The following WDTC1 variants were observed in gnomAD, a reference collection of about 807,000 sequenced individuals.
WDTC1 encodes WD and tetratricopeptide repeats protein 1.
Under a neutral mutation model 76.0 loss-of-function variants are expected in WDTC1, and 12 were observed. The observed-to-expected ratio is 0.16, with a 90% CI of 0.10 to 0.26. The LOEUF is 0.26. Ranked by LOEUF, WDTC1 falls within the 10% of genes least tolerant of loss-of-function variation. The pLI, the probability that WDTC1 is intolerant of heterozygous loss-of-function variation, is 1.00. For missense variants in WDTC1, 511 were observed against 908.8 expected (o/e 0.56, Z 5.63); for synonymous variants, 326 against 350.8 (o/e 0.93, Z 0.79).
chr1:27,296,767 G>GCCCCAGCCCCAGCCCCAA (rs2013698402), intron 10 of WDTC1, among the ~76,000 whole-genome samples: 1 of 13,890 alleles, frequency 7.2e-5, no homozygotes, highest in African/African-American at 2.4e-4. Context: ...CCCAGCCCCA[G>GCCCCAGCCCCAGCCCCAA]CCCTAGCCCC....
intron 12 of WDTC1, among the ~76,000 whole-genome samples, chr1:27,298,629 G>A (rs368831749): frequency 6.6e-6 from 1 of 152,188 alleles, no homozygotes; most frequent in Non-Finnish European, 1.5e-5. Flanking sequence ...TATGGGTCAC[G>A]CTAGGGTATG....
chr1:27,303,888 A>C lies in WDTC1; in HGVS notation c.1643+93A>C. ...CATAATGGTTTCAGAGAAGAATCTC[A>C]AATCCCTGCTCTGCCTCTGTACCCT... is the stretch of plus-strand genomic sequence containing the variant. On this transcript the variant is annotated intron_variant, in intron 14 of 15. Transcript: ENST00000319394. This position sits in a 1 kb window ranked among gnomAD's most constrained non-coding sequence, Gnocchi z 4.8. 74 of 1,516,738 alleles carry C rather than the reference A, an allele frequency of 4.9e-5. No homozygotes were observed. The highest frequency in any genetic ancestry group is 5.9e-5 in the Non-Finnish European group (65 of 1,110,522). 94.0% of individuals were successfully genotyped at this position (1,516,738 alleles called of 1,614,324 possible).
intron 6 of WDTC1, among the ~76,000 whole-genome samples, chr1:27,290,435 T>C (rs556329468): frequency 3.3e-4 from 51 of 152,312 alleles, no homozygotes; most frequent in African/African-American, 1.1e-3. Context: ...CCTCACTAAA[T>C]AGTAAAAGTA....
intron 1 of WDTC1, among the ~76,000 whole-genome samples, chr1:27,247,986 G>A (rs2011908352): frequency 6.6e-6 from 1 of 152,188 alleles, no homozygotes. Flanking sequence ...CCAAAGTGCT[G>A]GGATTACAGG....
chr1:27,289,793 G>A lies in WDTC1; in HGVS notation c.479+1932G>A, dbSNP rs1278949158. Among the ~76,000 whole-genome samples, 668 of 152,126 alleles carry A rather than the reference G, an allele frequency of 4.4e-3. 6 individuals are homozygous for A. The highest frequency in any genetic ancestry group is 0.015 in the African/African-American group (643 of 41,552). ...CGGTTAGGAGCTGGAGACCGGCCCG[G>A]CCAACACAGCGAAACCCCGTCTCCA... On this transcript the variant is annotated intron_variant, in intron 6 of 15. Transcript: ENST00000319394.
At chr1:27,273,069 ATAAC>A (rs2012915985) in intron 3 of WDTC1, among the ~76,000 whole-genome samples, 1 of 152,170 alleles carries the variant, frequency 6.6e-6, no homozygotes, top group African/African-American at 2.4e-5. Context: ...CCTTGGAGAA[ATAAC>A]TAATTCTAGT....
intron 1 of WDTC1, among the ~76,000 whole-genome samples, chr1:27,238,611 G>T (rs2011543216): frequency 6.6e-6 from 1 of 151,778 alleles, no homozygotes; most frequent in African/African-American, 2.4e-5. Context: ...CATCTTCCAG[G>T]CTGGAGTGCA....
Position 27,259,323 on chromosome 1 carries a change from C to CTT in WDTC1, c.-99-1610_-99-1609dup, listed in dbSNP as rs57081638. ...TACAGGCGCATGCCACCATGCCCAA[C>CTT]TTTTTTTTTTTTTTTTTTTTTTTTG... is the stretch of plus-strand genomic sequence containing the variant. On this transcript the variant is annotated intron_variant, in intron 1 of 15. Transcript: ENST00000319394. Among the ~76,000 whole-genome samples, 166 of 106,290 alleles carry CTT rather than the reference C, an allele frequency of 1.6e-3. 1 individual carries two copies. The highest frequency in any genetic ancestry group is 2.7e-3 in the African/African-American group (73 of 27,054). The allele number at this position is 106,290 out of a possible 152,430, so 69.7% of individuals were successfully genotyped here. A position where few individuals can be genotyped will look rare whatever the true frequency, so the allele number is the denominator to read the frequency against.
chr1:27,238,533 G>C (rs1257774402), intron 1 of WDTC1, among the ~76,000 whole-genome samples: 1 of 152,010 alleles, frequency 6.6e-6, no homozygotes, highest in South Asian at 2.1e-4. Flanking sequence ...AGGCTGGAGT[G>C]CAGTGGCATG....
In WDTC1 at chr1:27,306,438, C is replaced by T; in HGVS notation, c.*55C>T. ...TACTGGCTGGACCCTCTGCCCTGGG[C>T]AGGAGGTCAGGGGATTCTGTTTTGG... On this transcript the variant is annotated 3_prime_UTR_variant, in exon 16 of 16. Coordinates refer to ENST00000319394, the MANE Select transcript of WDTC1 (RefSeq NM_001276252.2). The surrounding 1 kb of genome is among the most constrained non-coding windows in gnomAD (Gnocchi z 5.0). The T allele has an allele frequency of 6.4e-7, 1 of 1,567,444 alleles. No homozygotes were observed.
At chr1:27,250,981 C>T (rs1381736874) in intron 1 of WDTC1, among the ~76,000 whole-genome samples, 2 of 148,840 alleles carry the variant, frequency 1.3e-5, no homozygotes, top group Non-Finnish European at 3.0e-5. Context: ...ATTCTCCTGC[C>T]TCAGCCTCCT....
At chr1:27,244,942 A>G (rs1206742182) in intron 1 of WDTC1, among the ~76,000 whole-genome samples, 1 of 152,022 alleles carries the variant, frequency 6.6e-6, no homozygotes, top group African/African-American at 2.4e-5. Context: ...ATCTCAGCAT[A>G]GTGTCATCGG....
At position 27,239,510 on chromosome 1, in the gene WDTC1, C is replaced by G. The variant is rs2011567394; in HGVS notation, c.-100+4559C>G. ...GAACTCCAGCATGGGCAACAGAGAC[C>G]CTGTCTCAAAAAAAAAAAAAAAAAA... is the stretch of plus-strand genomic sequence containing the variant. On this transcript the variant is annotated intron_variant, in intron 1 of 15. Coordinates refer to ENST00000319394, the MANE Select transcript of WDTC1 (RefSeq NM_001276252.2). Among the ~76,000 whole-genome samples the G allele has an allele frequency of 3.7e-5, 5 of 136,280 alleles. No homozygotes were observed. In the South Asian group the frequency reaches 9.9e-4, roughly 27 times the overall value. The allele number at this position is 136,280 out of a possible 152,430, so 89.4% of individuals were successfully genotyped here.
chr1:27,263,994 T>C (rs2012574275), intron 3 of WDTC1, among the ~76,000 whole-genome samples: 1 of 150,706 alleles, frequency 6.6e-6, no homozygotes, highest in Admixed American at 6.6e-5. Flanking sequence ...AGACTGAGAA[T>C]AGGTGTTTAA....
chr1:27,285,938 T>C (rs1260879360), intron 5 of WDTC1, among the ~76,000 whole-genome samples: 1 of 151,642 alleles, frequency 6.6e-6, no homozygotes, highest in Non-Finnish European at 1.5e-5. Flanking sequence ...GTTGCAGCTG[T>C]TTTTTTCTTA....
At chr1:27,304,978 C>T in intron 14 of WDTC1, 23 bp from the exon 15 acceptor site, 1 of 1,603,564 alleles carries the variant, frequency 6.2e-7, no homozygotes, top group Non-Finnish European at 8.5e-7. Context: ...ACCTGACCTC[C>T]CTGCCCTTTG....
chr1:27,297,799 A>T, intron 11 of WDTC1, 139 bp from the exon 12 acceptor site: 1 of 782,864 alleles, frequency 1.3e-6, no homozygotes, highest in Non-Finnish European at 1.9e-6. Context: ...AGACCAGGGT[A>T]GTGGTCCCCT....
intron 3 of WDTC1, among the ~76,000 whole-genome samples, chr1:27,268,657 TTCACCCACC>T: frequency 6.6e-6 from 1 of 151,624 alleles, no homozygotes; most frequent in East Asian, 2.0e-4. Flanking sequence ...GACCTCGTGA[TTCACCCACC>T]TCGGCCTCCC....
Position 27,301,882 on chromosome 1 carries a change from C to T in WDTC1, c.1468+421C>T, listed in dbSNP as rs1026727400. Reference sequence around the variant, plus strand: ...TGTACAAGTGCAGCAGAGACAATAGCGCAGAGCAGTAGAAATGCCTCAGGC... The same window carrying T: ...TGTACAAGTGCAGCAGAGACAATAGTGCAGAGCAGTAGAAATGCCTCAGGC... On this transcript the variant is annotated intron_variant, in intron 13 of 15. Coordinates refer to ENST00000319394, the MANE Select transcript of WDTC1 (RefSeq NM_001276252.2). This position sits in a 1 kb window ranked among gnomAD's most constrained non-coding sequence, Gnocchi z 5.8. 6.6e-6 allele frequency among the ~76,000 whole-genome samples: 1 copy of T among 152,146 alleles called. No homozygotes were observed. The highest frequency in any genetic ancestry group is 1.5e-5 in the Non-Finnish European group (1 of 68,020).
Sources: allele counts gnomAD v4.1 joint callset (sites outside exome capture counted in the v4.1 genomes callset), GRCh38; gene constraint gnomAD v4.1.1; non-coding constraint Gnocchi (gnomAD v3.1); transcripts MANE v1.5; gene names NCBI Gene and HGNC (gene_info 2026-07-23, HGNC 2026-07-21).